CASP8: variants seen among roughly 807,000 people sequenced by gnomAD.
The protein encoded by CASP8 is caspase-8.
Under a neutral mutation model 46.3 loss-of-function variants are expected in CASP8, and 24 were observed. The ratio of observed to expected loss-of-function variants is 0.52; its 90% CI spans 0.38 to 0.73. CASP8 has a LOEUF of 0.73. Ranked by LOEUF, CASP8 falls within the 30% of genes least tolerant of loss-of-function variation. The pLI, the probability that CASP8 is intolerant of heterozygous loss-of-function variation, is 0.00. For missense variants in CASP8, 460 were observed against 559.0 expected (o/e 0.82, Z 1.79); for synonymous variants, 188 against 200.4 (o/e 0.94, Z 0.52).
chr2:201,269,400 A>T, intron 2 of CASP8: 1 of 707,548 alleles, frequency 1.4e-6, no homozygotes, highest in East Asian at 2.7e-5. Flanking sequence ...TGAAGTCTTT[A>T]TAAGGCACTT....
At chr2:201,270,771 A>T (rs1206195910) in intron 2 of CASP8, among the ~76,000 whole-genome samples, 1 of 152,070 alleles carries the variant, frequency 6.6e-6, no homozygotes, top group Non-Finnish European at 1.5e-5. Flanking sequence ...GGCTCAAGTG[A>T]TCCTCCTTCT....
chr2:201,269,492 C>A, intron 2 of CASP8: 1 of 1,594,788 alleles, frequency 6.3e-7, no homozygotes, highest in Non-Finnish European at 8.6e-7. Flanking sequence ...TTGTGCCCAC[C>A]ATCTTGGTCC....
intron 2 of CASP8, 54 bp from the exon 3 acceptor site, chr2:201,271,462 A>T: frequency 9.0e-7 from 1 of 1,106,554 alleles, no homozygotes; most frequent in South Asian, 1.2e-5. Flanking sequence ...CCATATATCA[A>T]ATGGGAAATT....
At chr2:201,283,059 C>T (rs1206079744) in intron 7 of CASP8, among the ~76,000 whole-genome samples, 47 of 48,682 alleles carry the variant, frequency 9.7e-4, no homozygotes, top group African/African-American at 1.4e-3. Flanking sequence ...CCCCCCCTCC[C>T]CCCTCCCGGA....
upstream of CASP8, chr2:201,258,080 C>T (rs964997745): frequency 2.0e-5 from 16 of 807,444 alleles, no homozygotes; most frequent in South Asian, 2.2e-4. Flanking sequence ...CCCTGCAGTT[C>T]CTTCTGTGGT....
intron 2 of CASP8, among the ~76,000 whole-genome samples, chr2:201,237,783 G>A (rs749577746): frequency 2.0e-4 from 31 of 152,224 alleles, no homozygotes; most frequent in Non-Finnish European, 2.9e-4. Flanking sequence ...AGGAATTAAC[G>A]TTGAGCCTAG....
At chr2:201,279,835 C>T (rs899006148) in intron 7 of CASP8, among the ~76,000 whole-genome samples, 3 of 152,060 alleles carry the variant, frequency 2.0e-5, no homozygotes, top group African/African-American at 4.8e-5. Flanking sequence ...TGCCTGTAAC[C>T]CCAGCTACTA....
rs147822782 is a variant in CASP8, at chr2:201,253,703, C to T, written c.-26-12758C>T. Among the ~76,000 whole-genome samples the T allele has an allele frequency of 1.8e-4, 28 of 152,186 alleles. No homozygotes were observed. The East Asian group carries it at 5.0e-3, about 27-fold the overall frequency. Reference sequence around the variant, plus strand: ...GATGGTTCTTGACAATTATTCTTAGCGTCTGAGGTGCCCCATTTCTTGGGT... The same window carrying T: ...GATGGTTCTTGACAATTATTCTTAGTGTCTGAGGTGCCCCATTTCTTGGGT... On this transcript the variant is annotated intron_variant, in intron 2 of 6. Transcript: ENST00000264274.
chr2:201,252,663 C>T (rs556042499), intron 2 of CASP8, among the ~76,000 whole-genome samples: 1 of 152,304 alleles, frequency 6.6e-6, no homozygotes, highest in South Asian at 2.1e-4. Flanking sequence ...TCTGGTCCCC[C>T]ACAACAACAT....
At chr2:201,264,129 A>G (rs1039631708) in intron 1 of CASP8, among the ~76,000 whole-genome samples, 2 of 152,334 alleles carry the variant, frequency 1.3e-5, no homozygotes, top group East Asian at 1.9e-4. Context: ...TGATCTTCCT[A>G]TTCTTTCTAG....
intron 2 of CASP8, among the ~76,000 whole-genome samples, chr2:201,235,665 A>G (rs1161848102): frequency 2.6e-5 from 4 of 152,220 alleles, no homozygotes; most frequent in Non-Finnish European, 5.9e-5. Flanking sequence ...ATTGATATAC[A>G]ACAAATGGCA....
chr2:201,270,092 T>C (rs888485349), intron 2 of CASP8, among the ~76,000 whole-genome samples: 1 of 152,232 alleles, frequency 6.6e-6, no homozygotes, highest in Admixed American at 6.5e-5. Flanking sequence ...AGTCAACGTG[T>C]TTTTGTATTA....
upstream of CASP8, among the ~76,000 whole-genome samples, chr2:201,259,424 C>T (rs1221724822): frequency 3.3e-5 from 5 of 152,200 alleles, no homozygotes; most frequent in South Asian, 2.1e-4. Flanking sequence ...GATCCTCCCA[C>T]CTTGGCCTCT....
intron 6 of CASP8, among the ~76,000 whole-genome samples, chr2:201,276,278 C>T (rs1234760972): frequency 2.6e-5 from 4 of 152,172 alleles, no homozygotes; most frequent in Non-Finnish European, 4.4e-5. Context: ...CAGCAGCCAC[C>T]GTGGTCCTGA....
At chr2:201,244,157 G>C (rs1283075560) in intron 2 of CASP8, among the ~76,000 whole-genome samples, 2 of 152,206 alleles carry the variant, frequency 1.3e-5, no homozygotes, top group African/African-American at 4.8e-5. Context: ...ACCATGGTCA[G>C]GATCAAGATC....
intron 6 of CASP8, 84 bp from the exon 7 acceptor site, chr2:201,276,743 G>A: frequency 2.5e-6 from 4 of 1,584,464 alleles, no homozygotes; most frequent in Non-Finnish European, 1.7e-6. Flanking sequence ...TGGAAAGCAA[G>A]TCCTCTTACT....
intron 2 of CASP8, among the ~76,000 whole-genome samples, chr2:201,254,462 G>A (rs1156923052): frequency 6.6e-6 from 1 of 152,214 alleles, no homozygotes; most frequent in Non-Finnish European, 1.5e-5. Context: ...GTCTAGGGCA[G>A]TAGCCAAGGC....
intron 7 of CASP8, chr2:201,277,802 G>C (rs567655732): frequency 2.7e-6 from 1 of 368,680 alleles, no homozygotes; most frequent in African/African-American, 2.2e-5. Context: ...CCTGGTTCAA[G>C]TGATTCTCCT....
intron 7 of CASP8, among the ~76,000 whole-genome samples, chr2:201,279,685 A>G (rs534226452): frequency 6.6e-6 from 1 of 152,312 alleles, no homozygotes; most frequent in South Asian, 2.1e-4. Flanking sequence ...GTAGCTTGGT[A>G]CGGTGGCGTG....
Sources: gnomAD v4.1 joint callset for allele counts (sites outside exome capture counted in the v4.1 genomes callset) on GRCh38, gnomAD v4.1.1 for gene constraint, MANE v1.5 for transcripts, NCBI Gene and HGNC (gene_info 2026-07-23, HGNC 2026-07-21) for gene names.